STX18: variants seen among roughly 807,000 people sequenced by gnomAD.
STX18 encodes the protein syntaxin-18.
In STX18, 40 loss-of-function variants were observed where a neutral mutation model predicts 50.1. The ratio of observed to expected loss-of-function variants is 0.80; its 90% CI spans 0.62 to 1.04. The LOEUF (loss-of-function observed/expected upper bound fraction) is 1.04, where lower values mean the gene tolerates loss of function less well. Among genes scored for constraint, STX18 ranks in the 50% least tolerant of loss-of-function variants. The pLI, the probability that STX18 is intolerant of heterozygous loss-of-function variation, is 0.00. For synonymous variants in STX18, 158 were observed against 151.8 expected (o/e 1.04, Z -0.30); for missense variants, 410 against 415.8 (o/e 0.99, Z 0.12).
At chr4:4,519,977 C>A (rs1026180242) in intron 1 of STX18, among the ~76,000 whole-genome samples, 1 of 152,142 alleles carries the variant, frequency 6.6e-6, no homozygotes, top group Non-Finnish European at 1.5e-5. Context: ...GCAGTAATAA[C>A]AGTAAAACAA....
At chr4:4,532,445 A>G (rs1731142960) in intron 1 of STX18, among the ~76,000 whole-genome samples, 1 of 151,960 alleles carries the variant, frequency 6.6e-6, no homozygotes, top group African/African-American at 2.4e-5. Context: ...CTAACTTTGA[A>G]AACAACAACA....
intron 5 of STX18, among the ~76,000 whole-genome samples, chr4:4,454,511 G>A (rs1726960447): frequency 6.6e-6 from 1 of 152,200 alleles, no homozygotes; most frequent in Non-Finnish European, 1.5e-5. Context: ...TGGTGAGTGT[G>A]AGACCCAGTG....
At chr4:4,520,901 C>G (rs1166965276) in intron 1 of STX18, among the ~76,000 whole-genome samples, 1 of 152,196 alleles carries the variant, frequency 6.6e-6, no homozygotes, top group Non-Finnish European at 1.5e-5. Flanking sequence ...GACTTACAAT[C>G]AAAATGATCT....
chr4:4,430,010 G>C (rs1261406701), intron 7 of STX18, among the ~76,000 whole-genome samples: 1 of 152,212 alleles, frequency 6.6e-6, no homozygotes, highest in Non-Finnish European at 1.5e-5. Context: ...TGTTTAGAAA[G>C]GGAGAAATTT....
At chr4:4,445,239 T>G (rs930420759) in intron 5 of STX18, among the ~76,000 whole-genome samples, 3 of 151,950 alleles carry the variant, frequency 2.0e-5, no homozygotes, top group African/African-American at 7.3e-5. Flanking sequence ...AAACCTTATC[T>G]CTACTAAAAT....
intron 1 of STX18, among the ~76,000 whole-genome samples, chr4:4,497,787 A>T (rs1729247378): frequency 6.6e-6 from 1 of 152,236 alleles, no homozygotes; most frequent in African/African-American, 2.4e-5. Flanking sequence ...CCAGTAAAAA[A>T]ATGTGTTCGC....
At chr4:4,440,488 C>A in intron 5 of STX18, among the ~76,000 whole-genome samples, 1 of 152,260 alleles carries the variant, frequency 6.6e-6, no homozygotes, top group African/African-American at 2.4e-5. Flanking sequence ...CTCGTAACAA[C>A]TGCTCCATGT....
At chr4:4,435,505 A>C (rs559743157) in intron 6 of STX18, among the ~76,000 whole-genome samples, 13 of 152,262 alleles carry the variant, frequency 8.5e-5, no homozygotes, top group Admixed American at 7.2e-4. Context: ...GCTGTTCTAA[A>C]ACTTGCTTTG....
At chr4:4,511,045 C>T (rs577052522) in intron 1 of STX18, among the ~76,000 whole-genome samples, 106 of 152,232 alleles carry the variant, frequency 7.0e-4, no homozygotes, top group African/African-American at 2.5e-3. Flanking sequence ...AGGACAAACG[C>T]CTAATGCATG....
At chr4:4,496,662 T>C (rs978901438) in intron 1 of STX18, among the ~76,000 whole-genome samples, 1 of 152,218 alleles carries the variant, frequency 6.6e-6, no homozygotes, top group African/African-American at 2.4e-5. Flanking sequence ...TTCTTCAGCC[T>C]TGGATGGTGC....
chr4:4,531,130 A>T (rs1008400718), intron 1 of STX18, among the ~76,000 whole-genome samples: 37 of 151,208 alleles, frequency 2.4e-4, no homozygotes, highest in African/African-American at 8.8e-4. Context: ...TTTACAACAC[A>T]TCCTTTGGCA....
intron 1 of STX18, among the ~76,000 whole-genome samples, chr4:4,481,382 C>T (rs1728452936): frequency 1.3e-5 from 2 of 152,186 alleles, no homozygotes; most frequent in South Asian, 4.1e-4. Context: ...TTTGCCTCTG[C>T]AAGAAACAAG....
Position 4,420,436 on chromosome 4 carries a change from C to A in STX18, c.913-307G>T. The A allele has an allele frequency of 2.3e-6, 1 of 427,864 alleles. No homozygotes were observed. The highest frequency in any genetic ancestry group is 4.3e-6 in the Non-Finnish European group (1 of 234,150). 26.5% of individuals were successfully genotyped at this position (427,864 alleles called of 1,614,324 possible). A position where few individuals can be genotyped will look rare whatever the true frequency, so the allele number is the denominator to read the frequency against. On this transcript the variant is annotated intron_variant, in intron 10 of 10. Transcript: ENST00000306200. The surrounding 1 kb of genome is among the most constrained non-coding windows in gnomAD (Gnocchi z 4.3). Reference sequence around the variant, plus strand: ...GTGTGACCGCAAGCTTTGTGTTTCCCAGTAACATGATGTCCGTGGTGACCC... The same window carrying A: ...GTGTGACCGCAAGCTTTGTGTTTCCAAGTAACATGATGTCCGTGGTGACCC...
chr4:4,521,464 T>G (rs1730506482), intron 1 of STX18, among the ~76,000 whole-genome samples: 1 of 152,064 alleles, frequency 6.6e-6, no homozygotes, highest in African/African-American at 2.4e-5. Flanking sequence ...GTATGCATCA[T>G]GAAATCAGAA....
chr4:4,494,648 T>A (rs1402131881), intron 1 of STX18, among the ~76,000 whole-genome samples: 1 of 151,688 alleles, frequency 6.6e-6, no homozygotes, highest in Admixed American at 6.5e-5. Flanking sequence ...GATGCAAAAA[T>A]AACAATATAT....
chr4:4,512,015 C>A (rs1730031009), intron 1 of STX18, among the ~76,000 whole-genome samples: 1 of 151,902 alleles, frequency 6.6e-6, no homozygotes, highest in African/African-American at 2.4e-5. Flanking sequence ...TGCTAGATGC[C>A]AGTAGTAGCC....
intron 1 of STX18, among the ~76,000 whole-genome samples, chr4:4,521,703 G>A (rs1360328502): frequency 6.6e-6 from 1 of 151,552 alleles, no homozygotes; most frequent in African/African-American, 2.4e-5. Context: ...ATTCAGTTCA[G>A]AAAGAAGAAT....
intron 5 of STX18, 27 bp downstream of exon 5, chr4:4,457,164 A>G (rs1176741038): frequency 1.3e-6 from 2 of 1,595,310 alleles, no homozygotes; most frequent in African/African-American, 2.7e-5. Context: ...TTATTAATTA[A>G]GAAACACCAA....
intron 1 of STX18, among the ~76,000 whole-genome samples, chr4:4,496,563 C>A (rs1317455477): frequency 1.3e-5 from 2 of 152,204 alleles, no homozygotes; most frequent in Non-Finnish European, 2.9e-5. Context: ...ACACCACCCA[C>A]TGAGCTTACC....
Sources: gnomAD v4.1 joint callset for allele counts (sites outside exome capture counted in the v4.1 genomes callset) on GRCh38, gnomAD v4.1.1 for gene constraint, Gnocchi (gnomAD v3.1) non-coding constraint, MANE v1.5 for transcripts, NCBI Gene and HGNC (gene_info 2026-07-23, HGNC 2026-07-21) for gene names.